SPMIP8: variants seen among roughly 807,000 people sequenced by gnomAD.
SPMIP8 encodes sperm microtubule inner protein 8.
chr16:57,985,686 T>C, the SPMIP8 span: 1 of 1,275,506 alleles, frequency 7.8e-7, no homozygotes, highest in Non-Finnish European at 1.1e-6. Context: ...AGAAACAAAT[T>C]GCAATTTCAA....
At chr16:57,984,789 C>T in the SPMIP8 span, 2 of 1,607,678 alleles carry the variant, frequency 1.2e-6, no homozygotes, top group Non-Finnish European at 1.7e-6. Flanking sequence ...GGAGTTCAAG[C>T]TGCCTTGCCT....
chr16:57,985,104 G>C, the SPMIP8 span: 2 of 1,229,692 alleles, frequency 1.6e-6, no homozygotes, highest in Non-Finnish European at 2.2e-6. Context: ...GGTGGGGCTG[G>C]ATTGTGGGCG....
At chr16:57,980,810 T>G in the SPMIP8 span, among the ~76,000 whole-genome samples, 1 of 152,204 alleles carries the variant, frequency 6.6e-6, no homozygotes, top group Non-Finnish European at 1.5e-5. Context: ...TCCTGCCACT[T>G]CAGCCTCCTG....
At chr16:57,976,654 C>G in the SPMIP8 span, 1 of 1,611,758 alleles carries the variant, frequency 6.2e-7, no homozygotes, top group Non-Finnish European at 8.5e-7. Flanking sequence ...AAGCAGGGAG[C>G]CCTTGCTCTC....
the SPMIP8 span, chr16:57,985,477 C>G: frequency 4.8e-5 from 78 of 1,613,962 alleles, no homozygotes; most frequent in Middle Eastern, 4.9e-4. Context: ...TGCTGCCCGC[C>G]TCAGTACTGC....
At chr16:57,982,292 C>A in the SPMIP8 span, among the ~76,000 whole-genome samples, 1 of 152,140 alleles carries the variant, frequency 6.6e-6, no homozygotes, top group Non-Finnish European at 1.5e-5. Flanking sequence ...TCTTTTCTGG[C>A]TTTAAAATGA....
the SPMIP8 span, chr16:57,976,716 C>A: frequency 6.5e-7 from 1 of 1,537,678 alleles, no homozygotes; most frequent in East Asian, 2.3e-5. Context: ...AGTCACATCC[C>A]CTAAGGCAGC....
At chr16:57,983,265 G>A in the SPMIP8 span, among the ~76,000 whole-genome samples, 145 of 152,048 alleles carry the variant, frequency 9.5e-4, no homozygotes, top group African/African-American at 3.2e-3. Context: ...CTACAGGCTC[G>A]AGCCACCATA....
chr16:57,985,862 G>A, the SPMIP8 span: 9 of 1,585,688 alleles, frequency 5.7e-6, no homozygotes, highest in Non-Finnish European at 6.9e-6. Context: ...CGCCCAGAGA[G>A]GGTCGCCCCT....
At chr16:57,984,357 A>C in the SPMIP8 span, 73 of 1,614,062 alleles carry the variant, frequency 4.5e-5, no homozygotes, top group Admixed American at 1.2e-3. Context: ...AAACCCCTGC[A>C]GTGTTTGGTG....
the SPMIP8 span, among the ~76,000 whole-genome samples, chr16:57,979,546 T>C: frequency 6.6e-6 from 1 of 152,206 alleles, no homozygotes; most frequent in African/African-American, 2.4e-5. Context: ...ATGTATTTTA[T>C]TGTAAGCATA....
At chr16:57,985,396 TCTA>T in the SPMIP8 span, 2 of 1,609,346 alleles carry the variant, frequency 1.2e-6, no homozygotes, top group South Asian at 2.2e-5. Context: ...GACCACGGTC[TCTA>T]GCAGGAAGCC....
the SPMIP8 span, chr16:57,987,384 T>C: frequency 1.3e-6 from 2 of 1,588,572 alleles, no homozygotes; most frequent in South Asian, 2.3e-5. Context: ...TCACCCCTAC[T>C]TCTCTCCACA....
chr16:57,985,064 G>A, the SPMIP8 span: 1 of 1,137,124 alleles, frequency 8.8e-7, no homozygotes, highest in Non-Finnish European at 1.2e-6. Context: ...TGGGGCAGCG[G>A]AGGCGGGACC....
At chr16:57,978,839 A>G in the SPMIP8 span, among the ~76,000 whole-genome samples, 1 of 151,748 alleles carries the variant, frequency 6.6e-6, no homozygotes, top group Admixed American at 6.6e-5. Context: ...CCTGGTCTCA[A>G]CTCCTGGGTT....
the SPMIP8 span, chr16:57,985,886 T>A: frequency 6.2e-7 from 1 of 1,605,188 alleles, no homozygotes. Flanking sequence ...CATCTCGTGC[T>A]CACCCGCCCC....
the SPMIP8 span, among the ~76,000 whole-genome samples, chr16:57,981,624 G>A: frequency 7.1e-6 from 1 of 141,768 alleles, no homozygotes; most frequent in Non-Finnish European, 1.5e-5. Flanking sequence ...TGATTCTCCT[G>A]CCTCAGCCTC....
At chr16:57,984,698 C>A in the SPMIP8 span, 1 of 1,597,478 alleles carries the variant, frequency 6.3e-7, no homozygotes, top group Non-Finnish European at 8.5e-7. Flanking sequence ...TGGCGCCCAT[C>A]GCGCCAGGCA....
At chr16:57,978,196 A>G in the SPMIP8 span, among the ~76,000 whole-genome samples, 1 of 152,222 alleles carries the variant, frequency 6.6e-6, no homozygotes. Flanking sequence ...TGCTCAGTAC[A>G]ATGAGGATAA....
Sources: gnomAD v4.1 joint callset for allele counts (sites outside exome capture counted in the v4.1 genomes callset) on GRCh38, gnomAD v4.1.1 for gene constraint, MANE v1.5 for transcripts, NCBI Gene and HGNC (gene_info 2026-07-23, HGNC 2026-07-21) for gene names.